Variants in MTMR6 observed in about 807,000 individuals in gnomAD.
The protein encoded by MTMR6 is phosphatidylinositol-3,5-bisphosphate 3-phosphatase MTMR6.
In MTMR6, 47 loss-of-function variants were observed where a neutral mutation model predicts 80.1. The observed-to-expected ratio is 0.59, with a 90% confidence interval of 0.46 to 0.75. MTMR6 has a LOEUF of 0.75. MTMR6 is among the 30% of genes least tolerant of loss of function. The pLI is 0.00. For missense variants in MTMR6, 629 were observed against 730.9 expected, an observed-to-expected ratio of 0.86 and a Z score of 1.61; for synonymous variants, 254 against 253.0, an observed-to-expected ratio of 1.00 and a Z score of -0.04.
In MTMR6 at chr13:25,257,669, C is replaced by A. The variant is rs1168998898; in HGVS notation, c.969+67G>T. 6 of 1,159,584 alleles carry A rather than the reference C, an allele frequency of 5.2e-6. No individual in the cohort carries two copies. The African/African-American group carries it at 9.1e-5, about 18-fold the overall frequency. 71.8% of individuals were successfully genotyped at this position (1,159,584 alleles called of 1,614,324 possible). ...CTGATGAATAGATACCAGCCCCCAACAGAATACATCTACTCCTTCCCAATC... is the reference window on the plus strand; with the variant it reads ...CTGATGAATAGATACCAGCCCCCAAAAGAATACATCTACTCCTTCCCAATC... On this transcript the variant is annotated intron_variant, in intron 8 of 13. Coordinates refer to ENST00000381801, the MANE Select transcript of MTMR6 (RefSeq NM_004685.5).
chr13:25,276,196 C>A (rs1328382047), intron 1 of MTMR6, among the ~76,000 whole-genome samples: 1 of 152,030 alleles, frequency 6.6e-6, no homozygotes, highest in Admixed American at 6.5e-5. Flanking sequence ...TTGGGTGGAG[C>A]CACAGAGCCA....
At position 25,249,240 on chromosome 13, in the gene MTMR6, T is replaced by C; in HGVS notation, c.1858A>G (p.Thr620Ala). The C allele has an allele frequency of 6.2e-7, 1 of 1,612,748 alleles. No individual in the cohort carries two copies. Among genetic ancestry groups the C allele is most frequent in the Non-Finnish European group, 8.5e-7 (1 of 1,178,966 alleles). ...VSLEYGVARM[T>A]C Reference sequence around the variant, plus strand: ...GAAAAAACTCTATGAGTCTAACAAGTCATTCTTGCCACACCATACTCTAAG... The same window carrying C: ...GAAAAAACTCTATGAGTCTAACAAGCCATTCTTGCCACACCATACTCTAAG... The change falls in exon 14 of 14, where the codon ACT (threonine) becomes GCT (alanine). Residue 620 changes from threonine to alanine, a missense_variant. Coordinates refer to ENST00000381801, the MANE Select transcript of MTMR6 (RefSeq NM_004685.5).
At chr13:25,274,945 C>CACACACACACAT (rs1566042664) in intron 1 of MTMR6, among the ~76,000 whole-genome samples, 40 of 125,064 alleles carry the variant, frequency 3.2e-4, no homozygotes, top group African/African-American at 1.2e-3. Flanking sequence ...GACAGACACA[C>CACACACACACAT]ACACACACAC....
rs540922860 is a variant in MTMR6 at position 25,278,495 on chromosome 13, T to G, written c.25-4308A>C. Among the ~76,000 whole-genome samples, 5 of 151,526 alleles carry G rather than the reference T, an allele frequency of 3.3e-5. No individual in the cohort carries two copies. In the South Asian group the frequency reaches 1.0e-3, roughly 32 times the overall value. On this transcript the variant is annotated intron_variant, in intron 1 of 13. Coordinates refer to ENST00000381801, the MANE Select transcript of MTMR6 (RefSeq NM_004685.5). ...CAGCACTTTGGGAGGCCAAGGAGGG[T>G]GGATCACCTCAGGTCAGGAGTTCGA...
chr13:25,257,709 G>A, intron 8 of MTMR6, 27 bp downstream of exon 8: 1 of 1,540,152 alleles, frequency 6.5e-7, no homozygotes, highest in Non-Finnish European at 9.0e-7. Context: ...TAGACCCCAA[G>A]ACCAAATATG....
intron 6 of MTMR6, among the ~76,000 whole-genome samples, chr13:25,261,292 C>T (rs1161276822): frequency 1.0e-5 from 1 of 96,548 alleles, no homozygotes; most frequent in Non-Finnish European, 1.9e-5. Flanking sequence ...TGACAGAGTG[C>T]AACTCTGTCT....
At chr13:25,284,086 C>G (rs565509395) in intron 1 of MTMR6, among the ~76,000 whole-genome samples, 1 of 152,056 alleles carries the variant, frequency 6.6e-6, no homozygotes, top group Admixed American at 6.5e-5. Flanking sequence ...AATAATGATC[C>G]TAAATATTAT....
intron 3 of MTMR6, 58 bp from the exon 4 acceptor site, chr13:25,266,344 A>C: frequency 2.2e-6 from 3 of 1,392,846 alleles, no homozygotes; most frequent in Non-Finnish European, 3.0e-6. Context: ...TACACTACAA[A>C]TAAATGTAAT....
At chr13:25,260,775 T>C in intron 6 of MTMR6, 2 of 558,676 alleles carry the variant, frequency 3.6e-6, no homozygotes, top group Non-Finnish European at 4.9e-6. Flanking sequence ...ACTGGTTGTT[T>C]AACTATGTTA....
chr13:25,286,989 C>G (rs1957965848), intron 1 of MTMR6, among the ~76,000 whole-genome samples: 1 of 152,088 alleles, frequency 6.6e-6, no homozygotes, highest in Admixed American at 6.5e-5. Flanking sequence ...CTACGCACTC[C>G]AAGATGCTGA....
intron 2 of MTMR6, among the ~76,000 whole-genome samples, chr13:25,268,725 G>A (rs1005962366): frequency 3.3e-5 from 5 of 152,096 alleles, no homozygotes; most frequent in Non-Finnish European, 5.9e-5. Flanking sequence ...CCAGGGTTGC[G>A]CGCTCTGCAG....
chr13:25,274,961 TACACACACACAC>T lies in MTMR6; in HGVS notation c.25-786_25-775del, dbSNP rs71077456. ...ACAGACACACACACACACACACACA[TACACACACACAC>T]ACACACACACACACACACACACACA... is the stretch of plus-strand genomic sequence containing the variant. On this transcript the variant is annotated intron_variant, in intron 1 of 13. Transcript: ENST00000381801. 7.2e-3 allele frequency among the ~76,000 whole-genome samples: 760 copies of T among 105,032 alleles called. 32 individuals are homozygous for T. The highest frequency in any genetic ancestry group is 0.062 in the Admixed American group (595 of 9,606). The allele number at this position is 105,032 out of a possible 152,430, so 68.9% of individuals were successfully genotyped here.
chr13:25,269,305 A>G (rs980478164), intron 2 of MTMR6, among the ~76,000 whole-genome samples: 2 of 152,210 alleles, frequency 1.3e-5, no homozygotes, highest in Non-Finnish European at 2.9e-5. Context: ...AGCCAGAAAT[A>G]TGGATGTCAT....
In MTMR6 at chr13:25,249,189, C is replaced by G; in HGVS notation, c.*43G>C. Reference sequence around the variant, plus strand: ...GCTTACAGACCATCCTCACAATAATCCTTTTCTTGTACTGCAATCATTGCA... The same window carrying G: ...GCTTACAGACCATCCTCACAATAATGCTTTTCTTGTACTGCAATCATTGCA... On this transcript the variant is annotated 3_prime_UTR_variant, in exon 14 of 14. Coordinates refer to ENST00000381801, the MANE Select transcript of MTMR6 (RefSeq NM_004685.5). 6.3e-7 allele frequency: 1 copy of G among 1,591,700 alleles called. No individual in the cohort carries two copies. Among genetic ancestry groups the G allele is most frequent in the Non-Finnish European group, 8.6e-7 (1 of 1,166,270 alleles).
At chr13:25,258,771 C>T (rs1957271388) in intron 6 of MTMR6, 79 bp from the exon 7 acceptor site, 1 of 1,288,794 alleles carries the variant, frequency 7.8e-7, no homozygotes, top group Non-Finnish European at 1.0e-6. Context: ...ATTAAATAAG[C>T]AGTATTTTAG....
In MTMR6 at chr13:25,251,938, G is replaced by T. The variant is rs1000771043; in HGVS notation, c.1393C>A (p.Gln465Lys). Residue 465 changes from glutamine to lysine, a missense_variant, in exon 12 of 14, where the codon CAA (glutamine) becomes AAA (lysine). Gln to Lys is a moderately conservative substitution (Grantham distance 53). Transcript: ENST00000381801. This position sits in a 1 kb window ranked among gnomAD's most constrained non-coding sequence, Gnocchi z 4.1. ...YSLWPFLLED[Q>K]KKYLNPLYSS... ...TAGAGAGGATTTAAGTACTTCTTTTGGTCTTCCAAAAGAAATGGCCACAGG... is the reference window on the plus strand; with the variant it reads ...TAGAGAGGATTTAAGTACTTCTTTTTGTCTTCCAAAAGAAATGGCCACAGG... 6.2e-7 allele frequency: 1 copy of T among 1,609,910 alleles called. No individual in the cohort carries two copies. The highest frequency in any genetic ancestry group is 8.5e-7 in the Non-Finnish European group (1 of 1,178,626).
intron 2 of MTMR6, among the ~76,000 whole-genome samples, chr13:25,273,863 A>G (rs1957640580): frequency 6.6e-6 from 1 of 152,200 alleles, no homozygotes; most frequent in South Asian, 2.1e-4. Context: ...TATGGAGATA[A>G]GAGTGTGGTA....
At position 25,265,962 on chromosome 13, in the gene MTMR6, C is replaced by T. The variant is rs1555249741; in HGVS notation, c.463-15G>A. The T allele has an allele frequency of 3.8e-5, 62 of 1,611,924 alleles. No homozygotes were observed. The South Asian group carries it at 6.2e-4, about 16-fold the overall frequency. On this transcript the variant is annotated splice_polypyrimidine_tract_variant and intron_variant, in intron 4 of 13. Coordinates refer to ENST00000381801, the MANE Select transcript of MTMR6 (RefSeq NM_004685.5). ...GTTTCACAAATCTGTAAATATCAAA[C>T]AAAACATAACCATTGTATTCTTAGT...
chr13:25,267,228 G>C (rs1276380364), intron 3 of MTMR6, among the ~76,000 whole-genome samples: 18 of 138,692 alleles, frequency 1.3e-4, no homozygotes, highest in African/African-American at 4.9e-4. Flanking sequence ...GTCTGGGCGA[G>C]AGAGTAAGAT....
Sources: gnomAD v4.1 joint callset for allele counts (sites outside exome capture counted in the v4.1 genomes callset) on GRCh38, gnomAD v4.1.1 for gene constraint, Gnocchi (gnomAD v3.1) non-coding constraint, MANE v1.5 for transcripts, NCBI Gene and HGNC (gene_info 2026-07-23, HGNC 2026-07-21) for gene names.